The following ZDHHC14 variants were observed in gnomAD, a reference collection of about 807,000 sequenced individuals.
ZDHHC14 encodes palmitoyltransferase ZDHHC14.
A neutral mutation model predicts 47.7 loss-of-function variants in ZDHHC14; 16 were observed. The observed-to-expected ratio is 0.34, with a 90% CI of 0.23 to 0.51. The LOEUF is 0.51. ZDHHC14 is among the 20% of genes least tolerant of loss of function. The pLI, the probability that ZDHHC14 is intolerant of heterozygous loss-of-function variation, is 0.97. For synonymous variants in ZDHHC14, 293 were observed against 278.9 expected (o/e 1.05, Z -0.50); for missense variants, 515 against 662.5 (o/e 0.78, Z 2.44).
chr6:157,411,668 G>A (rs1000564728), intron 1 of ZDHHC14, among the ~76,000 whole-genome samples: 3 of 151,422 alleles, frequency 2.0e-5, no homozygotes, highest in African/African-American at 7.3e-5. Flanking sequence ...AGTACTCTCT[G>A]CACTATTTTT....
chr6:157,669,465 AG>A (rs1778697240), intron 8 of ZDHHC14, among the ~76,000 whole-genome samples: 1 of 152,066 alleles, frequency 6.6e-6, no homozygotes, highest in African/African-American at 2.4e-5. Flanking sequence ...TTGGAAGGAG[AG>A]GAGCCCGCCT....
intron 2 of ZDHHC14, among the ~76,000 whole-genome samples, chr6:157,585,291 T>C (rs1783649835): frequency 6.6e-6 from 1 of 152,120 alleles, no homozygotes; most frequent in African/African-American, 2.4e-5. Context: ...TTCTAGTGTT[T>C]GACCCACTAG....
intron 8 of ZDHHC14, among the ~76,000 whole-genome samples, chr6:157,659,104 G>T (rs1474847699): frequency 2.0e-5 from 3 of 152,074 alleles, no homozygotes; most frequent in African/African-American, 7.3e-5. Context: ...TTTCTCATCT[G>T]TCAATATTGT....
intron 1 of ZDHHC14, among the ~76,000 whole-genome samples, chr6:157,511,352 T>TG (rs1321745005): frequency 1.3e-5 from 2 of 151,060 alleles, no homozygotes; most frequent in Admixed American, 6.6e-5. Context: ...GAGCGTGGAG[T>TG]GGGGTAAGTG....
intron 3 of ZDHHC14, among the ~76,000 whole-genome samples, chr6:157,597,349 G>A (rs769104086): frequency 6.6e-6 from 1 of 152,186 alleles, no homozygotes; most frequent in African/African-American, 2.4e-5. Flanking sequence ...TTCTGATGGG[G>A]TAGGCCCTAT....
At chr6:157,425,606 A>C (rs1446934594) in intron 1 of ZDHHC14, among the ~76,000 whole-genome samples, 1 of 152,222 alleles carries the variant, frequency 6.6e-6, no homozygotes, top group East Asian at 1.9e-4. Context: ...GAAATTATCC[A>C]TCATTACTTC....
At chr6:157,540,250 C>A (rs562249439) in intron 1 of ZDHHC14, among the ~76,000 whole-genome samples, 2 of 152,072 alleles carry the variant, frequency 1.3e-5, no homozygotes, top group East Asian at 3.9e-4. Context: ...GATGAGAGGC[C>A]GCAGAGGCAT....
At chr6:157,561,132 G>T (rs1035451733) in intron 2 of ZDHHC14, among the ~76,000 whole-genome samples, 1 of 152,202 alleles carries the variant, frequency 6.6e-6, no homozygotes, top group Non-Finnish European at 1.5e-5. Context: ...ATTGGAAATC[G>T]CCTCAGAGAG....
chr6:157,397,446 G>A (rs1362370633), intron 1 of ZDHHC14, among the ~76,000 whole-genome samples: 1 of 151,908 alleles, frequency 6.6e-6, no homozygotes, highest in Non-Finnish European at 1.5e-5. Context: ...TGCCTTTTTC[G>A]GCTTCTGGAG....
intron 5 of ZDHHC14, among the ~76,000 whole-genome samples, chr6:157,636,679 T>C (rs911708446): frequency 9.2e-5 from 14 of 151,874 alleles, no homozygotes; most frequent in African/African-American, 3.1e-4. Context: ...AAAAGTGGGG[T>C]CTAAAAGCAA....
chr6:157,477,706 A>T (rs554781965), intron 1 of ZDHHC14, among the ~76,000 whole-genome samples: 1 of 152,132 alleles, frequency 6.6e-6, no homozygotes, highest in South Asian at 2.1e-4. Context: ...ATTATTTGAA[A>T]TTTTTCTCTG....
chr6:157,391,652 T>C (rs151119676), intron 1 of ZDHHC14, among the ~76,000 whole-genome samples: 1 of 152,232 alleles, frequency 6.6e-6, no homozygotes, highest in African/African-American at 2.4e-5. Flanking sequence ...CTCCTGTTTA[T>C]GGTGGATTCC....
intron 1 of ZDHHC14, among the ~76,000 whole-genome samples, chr6:157,434,914 C>T (rs947251873): frequency 6.6e-6 from 1 of 152,220 alleles, no homozygotes; most frequent in Non-Finnish European, 1.5e-5. Flanking sequence ...GGGATCTGCT[C>T]AGGGCTTCCC....
chr6:157,653,427 C>A, intron 7 of ZDHHC14, 98 bp from the exon 8 acceptor site: 1 of 1,296,124 alleles, frequency 7.7e-7, no homozygotes, highest in Admixed American at 1.8e-5. Context: ...GGGCCTGTCA[C>A]GGGAAGAGGG....
chr6:157,677,719 T>C lies in ZDHHC14; in HGVS notation c.*4597T>C, dbSNP rs933717247. ...AGAAACTTGATATTGGTGATAAAGG[T>C]ATGAATGAACAACTCTCTTACTTGC... On this transcript the variant is annotated 3_prime_UTR_variant, in exon 9 of 9. Transcript: ENST00000359775. 1 of 151,986 alleles carries C rather than the reference T, an allele frequency of 6.6e-6. No individual in the cohort carries two copies. Among genetic ancestry groups the C allele is most frequent in the Non-Finnish European group, 1.5e-5 (1 of 68,020 alleles). The allele number at this position is 151,986 out of a possible 1,614,324, so 9.4% of individuals were successfully genotyped here. A position where few individuals can be genotyped will look rare whatever the true frequency, so the allele number is the denominator to read the frequency against.
At chr6:157,449,848 C>T (rs545013005) in intron 1 of ZDHHC14, among the ~76,000 whole-genome samples, 2 of 152,246 alleles carry the variant, frequency 1.3e-5, no homozygotes, top group Admixed American at 6.5e-5. Flanking sequence ...TTCCCCAGTA[C>T]GTTGATGGGC....
At chr6:157,609,898 A>G (rs531558276) in intron 3 of ZDHHC14, among the ~76,000 whole-genome samples, 5 of 152,350 alleles carry the variant, frequency 3.3e-5, no homozygotes, top group Admixed American at 6.5e-5. Context: ...GGGTCTGCTC[A>G]CCCAGGCCTG....
intron 1 of ZDHHC14, among the ~76,000 whole-genome samples, chr6:157,462,798 C>T (rs1176721845): frequency 6.6e-6 from 1 of 152,238 alleles, no homozygotes; most frequent in East Asian, 1.9e-4. Context: ...GAGGGCCTGG[C>T]GGGGGCCTCT....
intron 1 of ZDHHC14, among the ~76,000 whole-genome samples, chr6:157,508,392 G>A (rs1188021917): frequency 6.6e-6 from 1 of 151,918 alleles, no homozygotes; most frequent in Non-Finnish European, 1.5e-5. Flanking sequence ...CTTGAGACAG[G>A]GTCTTACTCT....
Sources: gnomAD v4.1 joint callset for allele counts (sites outside exome capture counted in the v4.1 genomes callset) on GRCh38, gnomAD v4.1.1 for gene constraint, MANE v1.5 for transcripts, NCBI Gene and HGNC (gene_info 2026-07-23, HGNC 2026-07-21) for gene names.